PCDHA1: variants seen among roughly 807,000 people sequenced by gnomAD.
PCDHA1 encodes protocadherin alpha 1.
A neutral mutation model predicts 61.3 loss-of-function variants in PCDHA1; 42 were observed. That is an observed-to-expected ratio of 0.69 (90% CI 0.54 to 0.89). PCDHA1 has a LOEUF of 0.89. Ranked by LOEUF, PCDHA1 falls within the 40% of genes least tolerant of loss-of-function variation. PCDHA1 has a pLI of 0.00. For synonymous variants in PCDHA1, 610 were observed against 553.8 expected, an observed-to-expected ratio of 1.10 and a Z score of -1.43; for missense variants, 1,256 against 1,235.3, an observed-to-expected ratio of 1.02 and a Z score of -0.25.
At chr5:140,879,099 A>G (rs1255546668) in intron 1 of PCDHA1, among the ~76,000 whole-genome samples, 1 of 152,242 alleles carries the variant, frequency 6.6e-6, no homozygotes, top group Non-Finnish European at 1.5e-5. Flanking sequence ...ACTGCACAGT[A>G]TATGGTGTAA....
At chr5:140,829,476 T>C in intron 1 of PCDHA1, 1 of 1,613,798 alleles carries the variant, frequency 6.2e-7, no homozygotes, top group South Asian at 1.1e-5. Flanking sequence ...GAGTACACAG[T>C]GTTCGTGAAG....
At chr5:140,808,745 C>G in intron 1 of PCDHA1, 1 of 1,612,126 alleles carries the variant, frequency 6.2e-7, no homozygotes, top group Admixed American at 1.7e-5. Flanking sequence ...GGTGTACGCG[C>G]TGCAGCCGCT....
intron 1 of PCDHA1, among the ~76,000 whole-genome samples, chr5:140,941,255 C>CTTTCTTTCTT (rs782490896): frequency 0.012 from 539 of 44,464 alleles, 5 homozygotes; most frequent in Middle Eastern, 0.036. Context: ...TTCTTTCTTT[C>CTTTCTTTCTT]TCTTTCTTTC....
At chr5:140,979,494 A>C (rs1284874558) in intron 2 of PCDHA1, among the ~76,000 whole-genome samples, 6 of 152,010 alleles carry the variant, frequency 3.9e-5, no homozygotes, top group African/African-American at 1.2e-4. Flanking sequence ...CACCTATTAG[A>C]GCCTCCTCAT....
At chr5:140,807,164 A>T in intron 1 of PCDHA1, 1 of 1,595,066 alleles carries the variant, frequency 6.3e-7, no homozygotes, top group Non-Finnish European at 8.5e-7. Flanking sequence ...ATATTTAATC[A>T]GAACAAAATA....
intron 3 of PCDHA1, among the ~76,000 whole-genome samples, chr5:140,997,131 C>G (rs577407385): frequency 6.6e-6 from 1 of 152,008 alleles, no homozygotes; most frequent in Admixed American, 6.6e-5. Flanking sequence ...ACACAATGCC[C>G]CCACACCCCC....
At position 140,884,053 on chromosome 5, in the gene PCDHA1, C is replaced by A. The variant is rs782043806; in HGVS notation, c.2395-94896C>A. The stretch of plus-strand genomic sequence containing the variant: ...CAGGCCACGTGGTGGCGAAGGTGCG[C>A]GCGGTGGACGCCGATTCGGGCTACA... On this transcript the variant is annotated intron_variant, in intron 1 of 3. Transcript: ENST00000504120. 10 of 1,613,378 alleles carry A rather than the reference C, an allele frequency of 6.2e-6. No homozygotes were observed. The Admixed American group carries it at 1.2e-4, about 19-fold the overall frequency.
At chr5:140,906,521 C>T (rs529787398) in intron 1 of PCDHA1, among the ~76,000 whole-genome samples, 4 of 152,330 alleles carry the variant, frequency 2.6e-5, no homozygotes, top group African/African-American at 9.6e-5. Flanking sequence ...AGGAAATACT[C>T]ACGACAATTA....
At position 140,878,750 on chromosome 5, in the gene PCDHA1, T is replaced by A. The variant is rs143616284; in HGVS notation, c.2394+90066T>A. ...AGCCTTATATCTACTTTCTTACATATCTTTAGTTTAGGATCTGGAATATAG... is the reference window on the plus strand; with the variant it reads ...AGCCTTATATCTACTTTCTTACATAACTTTAGTTTAGGATCTGGAATATAG... On this transcript the variant is annotated intron_variant, in intron 1 of 3. Coordinates refer to ENST00000504120, the MANE Select transcript of PCDHA1 (RefSeq NM_018900.4). Among the ~76,000 whole-genome samples, 863 of 152,338 alleles carry A rather than the reference T, an allele frequency of 5.7e-3. 5 individuals are homozygous for A. Among genetic ancestry groups the A allele is most frequent in the Middle Eastern group, 0.014 (4 of 294 alleles).
intron 1 of PCDHA1, among the ~76,000 whole-genome samples, chr5:140,902,520 T>C (rs1350068201): frequency 6.6e-6 from 1 of 152,116 alleles, no homozygotes; most frequent in Non-Finnish European, 1.5e-5. Context: ...TATATGGTTT[T>C]TATTATGTTG....
chr5:140,840,079 T>C lies in PCDHA1; in HGVS notation c.2394+51395T>C, dbSNP rs2150303127. Among the ~76,000 whole-genome samples the C allele has an allele frequency of 4.9e-4, 75 of 152,120 alleles. 1 individual carries two copies. The highest frequency in any genetic ancestry group is 8.7e-4 in the Non-Finnish European group (59 of 67,972). On this transcript the variant is annotated intron_variant, in intron 1 of 3. Coordinates refer to ENST00000504120, the MANE Select transcript of PCDHA1 (RefSeq NM_018900.4). The stretch of plus-strand genomic sequence containing the variant: ...TCTTGACAATTAGTCAATAGAAAGA[T>C]AAACTTGTTGAAGATTTTAGTGAAA...
intron 1 of PCDHA1, among the ~76,000 whole-genome samples, chr5:140,839,019 G>T (rs1394721397): frequency 3.9e-5 from 6 of 151,970 alleles, no homozygotes; most frequent in Non-Finnish European, 8.8e-5. Context: ...AATTATTTTA[G>T]GATATGTTAC....
At chr5:140,982,691 C>G in intron 3 of PCDHA1, 128 bp downstream of exon 3, 1 of 1,408,152 alleles carries the variant, frequency 7.1e-7, no homozygotes, top group Non-Finnish European at 9.3e-7. Flanking sequence ...TTTTTCCATA[C>G]ATACATGATT....
intron 1 of PCDHA1, chr5:140,863,164 G>C (rs781940637): frequency 1.7e-5 from 11 of 661,132 alleles, no homozygotes; most frequent in Non-Finnish European, 3.0e-5. Context: ...CTGCGAGCTG[G>C]CGCTGACTGC....
chr5:140,795,954 G>A (rs952716239), intron 1 of PCDHA1: 2 of 1,614,104 alleles, frequency 1.2e-6, no homozygotes, highest in Admixed American at 3.3e-5. Context: ...CCCCTTCAAT[G>A]TCAGGACATT....
rs782492418 is a variant in PCDHA1 at position 140,858,271 on chromosome 5, C to T, written c.2394+69587C>T. On this transcript the variant is annotated intron_variant, in intron 1 of 3. Coordinates refer to ENST00000504120, the MANE Select transcript of PCDHA1 (RefSeq NM_018900.4). ...TGAAGCCCACGCTGGTGTGCTCTAGCGCGGTGGGGAGCTGGTCTTACTCGC... is the reference window on the plus strand; with the variant it reads ...TGAAGCCCACGCTGGTGTGCTCTAGTGCGGTGGGGAGCTGGTCTTACTCGC... 2.3e-5 allele frequency: 37 copies of T among 1,597,010 alleles called. 3 individuals are homozygous for T. The highest frequency in any genetic ancestry group is 8.4e-5 in the Admixed American group (5 of 59,172).
In PCDHA1 at chr5:140,979,019, C is replaced by T; in HGVS notation, c.2453+12C>T. On this transcript the variant is annotated intron_variant, in intron 2 of 3. Coordinates refer to ENST00000504120, the MANE Select transcript of PCDHA1 (RefSeq NM_018900.4). ...GCAGGCATGCACAGGTATGTATTTC[C>T]CTCCTCATTCACTCAGAAGTAACCT... 1 of 1,613,662 alleles carries T rather than the reference C, an allele frequency of 6.2e-7. No individual in the cohort carries two copies. Among genetic ancestry groups the T allele is most frequent in the South Asian group, 1.1e-5 (1 of 90,910 alleles).
At chr5:140,924,902 A>AAAAAAT (rs1554202311) in intron 1 of PCDHA1, among the ~76,000 whole-genome samples, 400 of 39,066 alleles carry the variant, frequency 0.01, 1 homozygote, top group Middle Eastern at 0.023. Flanking sequence ...CTCAAAAAAA[A>AAAAAAT]AAATAAAATA....
intron 3 of PCDHA1, among the ~76,000 whole-genome samples, chr5:141,008,339 C>T (rs782805145): frequency 1.1e-4 from 16 of 152,176 alleles, no homozygotes; most frequent in Non-Finnish European, 1.5e-4. Context: ...TTTGATGGAG[C>T]TTTTCACGTG....
Sources: allele counts gnomAD v4.1 joint callset (sites outside exome capture counted in the v4.1 genomes callset), GRCh38; gene constraint gnomAD v4.1.1; transcripts MANE v1.5; gene names NCBI Gene and HGNC (gene_info 2026-07-23, HGNC 2026-07-21).